Variants in KRT36 observed in about 807,000 individuals in gnomAD.
The protein encoded by KRT36 is keratin, type I cuticular Ha6.
A neutral mutation model predicts 43.0 loss-of-function variants in KRT36; 41 were observed. That is an observed-to-expected ratio of 0.95 (90% CI 0.74 to 1.24). The LOEUF (loss-of-function observed/expected upper bound fraction) is 1.24. Ranked by LOEUF, KRT36 falls within the 50% of genes most tolerant of loss-of-function variation. KRT36 has a pLI of 0.00. For missense variants in KRT36, 627 were observed against 595.3 expected (o/e 1.05, Z -0.55); for synonymous variants, 277 against 252.9 (o/e 1.10, Z -0.90).
chr17:41,488,546 C>G lies in KRT36; in HGVS notation c.542+96G>C. On this transcript the variant is annotated intron_variant, in intron 2 of 6. Coordinates refer to ENST00000328119, the MANE Select transcript of KRT36 (RefSeq NM_003771.5). Reference sequence around the variant, plus strand: ...AGGTCCAGGGCTCATGCCACATTTTCCCATCCAGCCTTATTCCCACATCAC... The same window carrying G: ...AGGTCCAGGGCTCATGCCACATTTTGCCATCCAGCCTTATTCCCACATCAC... 15 of 1,511,770 alleles carry G rather than the reference C, an allele frequency of 9.9e-6. No homozygotes were observed. The South Asian group carries it at 1.7e-4, about 17-fold the overall frequency. The allele number at this position is 1,511,770 out of a possible 1,614,324, so 93.6% of individuals were successfully genotyped here.
At chr17:41,486,894 C>A in intron 6 of KRT36, 56 bp downstream of exon 6, 1 of 1,513,514 alleles carries the variant, frequency 6.6e-7, no homozygotes, top group Non-Finnish European at 9.0e-7. Context: ...GCTTGACGCC[C>A]TCCACATGGC....
In KRT36 at chr17:41,488,361, G is replaced by A. The variant is rs1237625243; in HGVS notation, c.581C>T (p.Ala194Val). 1.2e-6 allele frequency: 2 copies of A among 1,614,054 alleles called. No individual in the cohort carries two copies. Among genetic ancestry groups the A allele is most frequent in the Admixed American group, 3.3e-5 (2 of 60,002 alleles). ...TELSLRQLVE[A>V]DINGLRRILD... is the part of the protein sequence containing the mutation. ...GATCCTACGCAGGCCGTTGATGTCG[G>A]CCTCCACTAGCTGCCGCAGAGACAG... Residue 194 changes from alanine to valine, a missense_variant, in exon 3 of 7, where the codon GCC (alanine) becomes GTC (valine). Ala to Val is a moderately conservative substitution (Grantham distance 64). Transcript: ENST00000328119.
chr17:41,488,502 A>G (rs1302784503), intron 2 of KRT36, 103 bp from the exon 3 acceptor site: 2 of 1,520,456 alleles, frequency 1.3e-6, no homozygotes, highest in Non-Finnish European at 1.8e-6. Flanking sequence ...GATCAGGAGC[A>G]TGACACTCCT....
rs769372926 is a variant in KRT36 at position 41,487,408 on chromosome 17, G to A, written c.930C>T (p.Ile310=). 15 of 1,613,920 alleles carry A rather than the reference G, an allele frequency of 9.3e-6. No homozygotes were observed. The highest frequency in any genetic ancestry group is 6.7e-5 in the African/African-American group (5 of 75,056). ...GCGCGTTGACCGTACGTCTCAGCTC[G>A]ATGATCTCCGTCTGGCAGCACTGCA... ...EQLQCCQTEI[I]ELRRTVNALE... The change falls in exon 5 of 7, where the codon ATC becomes ATT. Residue 310 remains isoleucine, a synonymous_variant. Transcript: ENST00000328119.
chr17:41,487,458 G>A lies in KRT36; in HGVS notation c.880C>T (p.Gln294Ter), dbSNP rs140830820. Residue 294 changes from glutamine (Q) to a stop codon, truncating the protein, a stop_gained, in exon 5 of 7, where the codon CAG becomes TAG. Coordinates refer to ENST00000328119, the MANE Select transcript of KRT36 (RefSeq NM_003771.5). LOFTEE classifies it high-confidence loss of function. The part of the protein sequence containing the change: ...FNTQTEELNQ[Q>*]VVSSSEQLQC... ...AGCTGCTCCGAGCTGGACACCACCT[G>A]CTGGTTCAGCTCCTCAGTCTGAAAC... 6.1e-4 allele frequency: 983 copies of A among 1,614,128 alleles called. 1 individual carries two copies. Among genetic ancestry groups the A allele is most frequent in the Non-Finnish European group, 7.7e-4 (907 of 1,179,998 alleles).
In KRT36 at chr17:41,489,840, T is replaced by C. The variant is rs762743688; in HGVS notation, c.25A>G (p.Thr9Ala). The change falls in exon 1 of 7, where the codon ACC (threonine) becomes GCC (alanine). Residue 9 changes from threonine to alanine, a missense_variant. Physicochemically the swap from Thr to Ala is moderately conservative, Grantham distance 58. Transcript: ENST00000328119. ...CCCTTGATAGACCCAGTGGAGAAGG[T>C]AGGGGTGCAGGTCTGGGTGGCCATG... is the stretch of plus-strand genomic sequence containing the variant. MATQTCTP[T>A]FSTGSIKGLC... The C allele has an allele frequency of 3.1e-6, 5 of 1,612,778 alleles. No homozygotes were observed. In the Admixed American group the frequency reaches 6.7e-5, roughly 22 times the overall value.
rs778417267 is a variant in KRT36 at position 41,487,337 on chromosome 17, C to T, written c.987+14G>A. 1.2e-6 allele frequency: 2 copies of T among 1,608,570 alleles called. No homozygotes were observed. Among genetic ancestry groups the T allele is most frequent in the Non-Finnish European group, 1.7e-6 (2 of 1,178,776 alleles). On this transcript the variant is annotated intron_variant, in intron 5 of 6. Transcript: ENST00000328119. Reference sequence around the variant, plus strand: ...CACAGGCCGTGGCCAGCGACGCAGGCAGGGGCCACTCACCATGCTGTGCTG... The same window carrying T: ...CACAGGCCGTGGCCAGCGACGCAGGTAGGGGCCACTCACCATGCTGTGCTG...
chr17:41,489,868 G>C lies in KRT36; in HGVS notation c.-4C>G. The stretch of plus-strand genomic sequence containing the variant: ...GGGTGCAGGTCTGGGTGGCCATGGT[G>C]CTAGCAGAGGAAGGTTGCAGCTTAG... On this transcript the variant is annotated 5_prime_UTR_variant, in exon 1 of 7. Coordinates refer to ENST00000328119, the MANE Select transcript of KRT36 (RefSeq NM_003771.5). The C allele has an allele frequency of 6.2e-7, 1 of 1,608,564 alleles. No individual in the cohort carries two copies. Among genetic ancestry groups the C allele is most frequent in the Non-Finnish European group, 8.5e-7 (1 of 1,176,420 alleles).
intron 3 of KRT36, among the ~76,000 whole-genome samples, 195 bp downstream of exon 3, chr17:41,488,048 G>C (rs1347210812): frequency 6.6e-6 from 1 of 152,196 alleles, no homozygotes; most frequent in Non-Finnish European, 1.5e-5. Context: ...TAACCTCTTT[G>C]TGCCTAAGTT....
intron 2 of KRT36, 109 bp downstream of exon 2, chr17:41,488,533 C>T: frequency 1.3e-6 from 2 of 1,503,124 alleles, no homozygotes; most frequent in Non-Finnish European, 1.8e-6. Flanking sequence ...GTCCAGGGCT[C>T]ATGCCACATT....
chr17:41,489,273 C>T, intron 1 of KRT36, 133 bp downstream of exon 1: 2 of 958,296 alleles, frequency 2.1e-6, no homozygotes, highest in Non-Finnish European at 3.1e-6. Context: ...AAACCAAAGC[C>T]CTAGAGAGAA....
At position 41,486,328 on chromosome 17, in the gene KRT36, T is replaced by A; in HGVS notation, c.*48A>T. The A allele has an allele frequency of 6.5e-7, 1 of 1,537,772 alleles. No individual in the cohort carries two copies. On this transcript the variant is annotated 3_prime_UTR_variant, in exon 7 of 7. Transcript: ENST00000328119. The stretch of plus-strand genomic sequence containing the variant: ...TAAGCCTCCAGGAGCCACAGGGGTG[T>A]CCTCCTTCCTGTGGTCAGGGCCCTG...
At chr17:41,486,671 G>C (rs1033865935) in intron 6 of KRT36, 100 bp from the exon 7 acceptor site, 1 of 982,224 alleles carries the variant, frequency 1.0e-6, no homozygotes, top group Non-Finnish European at 1.5e-6. Flanking sequence ...CGGTGGCCCC[G>C]GATCATCTCA....
At chr17:41,486,786 G>A (rs904601869) in intron 6 of KRT36, among the ~76,000 whole-genome samples, 164 bp downstream of exon 6, 2 of 152,138 alleles carry the variant, frequency 1.3e-5, no homozygotes, top group African/African-American at 4.8e-5. Flanking sequence ...GTGTTGGGTT[G>A]GATTCTCCCG....
chr17:41,487,495 C>T lies in KRT36; in HGVS notation c.862-19G>A, dbSNP rs1904429582. 6.2e-7 allele frequency: 1 copy of T among 1,613,794 alleles called. No homozygotes were observed. Among genetic ancestry groups the T allele is most frequent in the Admixed American group, 1.7e-5 (1 of 60,024 alleles). On this transcript the variant is annotated intron_variant, in intron 4 of 6. Coordinates refer to ENST00000328119, the MANE Select transcript of KRT36 (RefSeq NM_003771.5). ...CCTCAGTCTGAAACACATGCCAGGG[C>T]CCAGAGCATGGTCAAACCAAGCTAC...
At chr17:41,488,219 G>A (rs1488181781) in intron 3 of KRT36, 24 bp downstream of exon 3, 2 of 1,606,538 alleles carry the variant, frequency 1.2e-6, no homozygotes, top group African/African-American at 2.7e-5. Context: ...GAAACACTGG[G>A]AAGTCACATG....
chr17:41,489,886 C>T lies in KRT36; in HGVS notation c.-22G>A. 1 of 1,596,048 alleles carries T rather than the reference C, an allele frequency of 6.3e-7. No homozygotes were observed. Among genetic ancestry groups the T allele is most frequent in the Non-Finnish European group, 8.6e-7 (1 of 1,166,686 alleles). ...CCATGGTGCTAGCAGAGGAAGGTTG[C>T]AGCTTAGCAAGGAGCTCAGGTTCTG... On this transcript the variant is annotated 5_prime_UTR_variant, in exon 1 of 7. Coordinates refer to ENST00000328119, the MANE Select transcript of KRT36 (RefSeq NM_003771.5).
rs754092273 is a variant in KRT36, at chr17:41,489,396, T to C, written c.459+10A>G. The C allele has an allele frequency of 1.2e-6, 2 of 1,611,072 alleles. No individual in the cohort carries two copies. The highest frequency in any genetic ancestry group is 2.2e-5 in the East Asian group (1 of 44,814). ...GCTGCTCAGCTGGAAAGGGGCCAGG[T>C]CTCCCTCACCTTCTGCTGGAAATCT... is the stretch of plus-strand genomic sequence containing the variant. On this transcript the variant is annotated intron_variant, in intron 1 of 6. Transcript: ENST00000328119.
chr17:41,489,008 C>T (rs1250503051), intron 1 of KRT36, among the ~76,000 whole-genome samples: 1 of 152,182 alleles, frequency 6.6e-6, no homozygotes, highest in Non-Finnish European at 1.5e-5. Context: ...TAACACTGAG[C>T]CTGTGTGCTC....
Sources: gnomAD v4.1 joint callset for allele counts (sites outside exome capture counted in the v4.1 genomes callset) on GRCh38, gnomAD v4.1.1 for gene constraint, MANE v1.5 for transcripts, NCBI Gene and HGNC (gene_info 2026-07-23, HGNC 2026-07-21) for gene names.